Variants in FAM193A observed in about 807,000 individuals in gnomAD.
FAM193A encodes the protein family with sequence similarity 193 member A.
FAM193A carries 22 observed loss-of-function variants against 126.5 expected under a neutral mutation model. The ratio of observed to expected loss-of-function variants is 0.17; its 90% CI spans 0.12 to 0.25. FAM193A has a LOEUF of 0.25. FAM193A is among the 10% of genes least tolerant of loss of function. FAM193A has a pLI of 1.00. For missense variants in FAM193A, 1,675 were observed against 1,672.8 expected, an observed-to-expected ratio of 1.00 and a Z score of -0.02; for synonymous variants, 761 against 646.8, an observed-to-expected ratio of 1.18 and a Z score of -2.68.
Position 2,716,721 on chromosome 4 carries a change from G to T in FAM193A, c.4454+617G>T, listed in dbSNP as rs111929483. Among the ~76,000 whole-genome samples, 649 of 152,290 alleles carry T rather than the reference G, an allele frequency of 4.3e-3. 3 individuals carry two copies. The highest frequency in any genetic ancestry group is 7.8e-3 in the Non-Finnish European group (530 of 68,018). The stretch of plus-strand genomic sequence containing the variant: ...AGAGGGAATCTCACTCTATCACCCA[G>T]GCTGGAGTGCAGTGGCACGATCTCA... On this transcript the variant is annotated intron_variant, in intron 20 of 20. Transcript: ENST00000637812.
intron 1 of FAM193A, among the ~76,000 whole-genome samples, chr4:2,545,589 C>T (rs200014748): frequency 9.2e-5 from 14 of 152,116 alleles, no homozygotes; most frequent in East Asian, 3.9e-4. Context: ...GGGTGTACTT[C>T]GATTTGACTT....
At chr4:2,704,434 A>G (rs949201439) in intron 19 of FAM193A, among the ~76,000 whole-genome samples, 2 of 151,728 alleles carry the variant, frequency 1.3e-5, no homozygotes, top group African/African-American at 4.8e-5. Flanking sequence ...GTGTGGTGGC[A>G]CTCACCTATA....
At chr4:2,604,009 A>G (rs891251974) in intron 2 of FAM193A, among the ~76,000 whole-genome samples, 2 of 149,682 alleles carry the variant, frequency 1.3e-5, no homozygotes, top group African/African-American at 4.9e-5. Flanking sequence ...TGCCCAGCTA[A>G]TTTTTGTATT....
intron 1 of FAM193A, among the ~76,000 whole-genome samples, chr4:2,575,889 G>C (rs997266385): frequency 6.6e-6 from 1 of 152,100 alleles, no homozygotes; most frequent in Non-Finnish European, 1.5e-5. Flanking sequence ...AAATGTTCTT[G>C]TGTGTTGCTT....
intron 19 of FAM193A, among the ~76,000 whole-genome samples, chr4:2,714,559 T>TC (rs986606080): frequency 6.6e-6 from 1 of 152,078 alleles, no homozygotes; most frequent in Non-Finnish European, 1.5e-5. Context: ...CTGTGTGCCC[T>TC]CAGGGATACA....
intron 20 of FAM193A, among the ~76,000 whole-genome samples, chr4:2,731,483 G>A (rs911038575): frequency 6.6e-6 from 1 of 152,038 alleles, no homozygotes; most frequent in Non-Finnish European, 1.5e-5. Flanking sequence ...ACCACACCCT[G>A]CCTGGGCCTG....
At chr4:2,721,304 C>T (rs1405915158) in intron 20 of FAM193A, among the ~76,000 whole-genome samples, 3 of 104,412 alleles carry the variant, frequency 2.9e-5, no homozygotes, top group African/African-American at 7.9e-5. Context: ...CAGAGCAAGA[C>T]TCCGTCTCAA....
chr4:2,725,218 A>G (rs539062014), intron 20 of FAM193A, among the ~76,000 whole-genome samples: 3 of 151,990 alleles, frequency 2.0e-5, no homozygotes, highest in African/African-American at 7.2e-5. Flanking sequence ...CTATATATAT[A>G]TGTATGTATA....
intron 2 of FAM193A, among the ~76,000 whole-genome samples, chr4:2,604,736 G>A (rs956522060): frequency 6.7e-6 from 1 of 150,098 alleles, no homozygotes; most frequent in African/African-American, 2.5e-5. Context: ...TATATATAGA[G>A]GTAGACTTTA....
At chr4:2,547,624 G>GTA (rs1324102286) in intron 1 of FAM193A, among the ~76,000 whole-genome samples, 2 of 150,476 alleles carry the variant, frequency 1.3e-5, no homozygotes, top group South Asian at 2.1e-4. Context: ...GTGTGTGTGT[G>GTA]TATGTATTTT....
intron 6 of FAM193A, among the ~76,000 whole-genome samples, chr4:2,640,965 G>A (rs926161987): frequency 2.7e-5 from 4 of 150,772 alleles, no homozygotes; most frequent in Non-Finnish European, 4.5e-5. Context: ...ATGCTGTCTC[G>A]GGGGAAAAAA....
intron 10 of FAM193A, 34 bp downstream of exon 10, chr4:2,660,088 T>C: frequency 6.2e-7 from 1 of 1,600,098 alleles, no homozygotes; most frequent in African/African-American, 1.3e-5. Context: ...GTTTCCGAAA[T>C]TTAAGTCGCC....
At chr4:2,598,523 C>T (rs1446933977) in intron 2 of FAM193A, among the ~76,000 whole-genome samples, 4 of 152,158 alleles carry the variant, frequency 2.6e-5, no homozygotes, top group Admixed American at 2.6e-4. Flanking sequence ...GTCTGTAGGC[C>T]TCTTGTCTTA....
At position 2,646,718 on chromosome 4, in the gene FAM193A, G is replaced by C; in HGVS notation, c.1197G>C (p.Glu399Asp). The C allele has an allele frequency of 1.2e-6, 2 of 1,613,634 alleles. No individual in the cohort carries two copies. Among genetic ancestry groups the C allele is most frequent in the Non-Finnish European group, 8.5e-7 (1 of 1,179,746 alleles). ...CCACCACACACGACACCTGCAGTGA[G>C]GACACATACAGTACCTTGCTGCAGA... Reference protein sequence around the residue: ...LGTTTHDTCSEDTYSTLLQRY... With the variant: ...LGTTTHDTCSDDTYSTLLQRY... Residue 399 changes from glutamate (E) to aspartate (D), a missense_variant, in exon 7 of 21, where the codon GAG becomes GAC. Glu to Asp is a conservative substitution (Grantham distance 45). Transcript: ENST00000637812.
At chr4:2,564,131 G>C (rs1738792693) in intron 1 of FAM193A, among the ~76,000 whole-genome samples, 1 of 152,082 alleles carries the variant, frequency 6.6e-6, no homozygotes, top group Non-Finnish European at 1.5e-5. Context: ...CTAGGTGCTG[G>C]AGTGCAGTGG....
chr4:2,684,138 A>G (rs1715460542), intron 13 of FAM193A, among the ~76,000 whole-genome samples: 1 of 152,236 alleles, frequency 6.6e-6, no homozygotes, highest in African/African-American at 2.4e-5. Flanking sequence ...TGTTATCTCC[A>G]TGTTCCTGCA....
At chr4:2,681,985 T>C (rs1286305122) in intron 13 of FAM193A, among the ~76,000 whole-genome samples, 2 of 145,894 alleles carry the variant, frequency 1.4e-5, no homozygotes, top group African/African-American at 2.6e-5. Flanking sequence ...TTTTTTTTTT[T>C]GGTTTTTTTT....
chr4:2,538,065 G>A (rs769223930), intron 1 of FAM193A, among the ~76,000 whole-genome samples: 2 of 152,050 alleles, frequency 1.3e-5, no homozygotes, highest in Non-Finnish European at 2.9e-5. Context: ...AAAGAGAATA[G>A]ATTTTTTTTG....
chr4:2,719,330 C>T (rs1243083372), intron 20 of FAM193A, among the ~76,000 whole-genome samples: 1 of 152,060 alleles, frequency 6.6e-6, no homozygotes, highest in African/African-American at 2.4e-5. Flanking sequence ...CTCATACCTA[C>T]ATCAGTGTAA....
Sources: allele counts gnomAD v4.1 joint callset (sites outside exome capture counted in the v4.1 genomes callset), GRCh38; gene constraint gnomAD v4.1.1; transcripts MANE v1.5; gene names NCBI Gene and HGNC (gene_info 2026-07-23, HGNC 2026-07-21).